The following IL12RB2 variants were observed in gnomAD, a reference collection of about 807,000 sequenced individuals.
IL12RB2 encodes interleukin 12 receptor subunit beta 2, also known as interleukin-12 receptor subunit beta-2.
A neutral mutation model predicts 89.4 loss-of-function variants in IL12RB2; 82 were observed. That is an observed-to-expected ratio of 0.92 (90% CI 0.77 to 1.10). The LOEUF is 1.10. Ranked by LOEUF, IL12RB2 falls within the 50% of genes least tolerant of loss-of-function variation. IL12RB2 has a pLI of 0.00. For missense variants in IL12RB2, 963 were observed against 1,031.9 expected (o/e 0.93, Z 0.92); for synonymous variants, 368 against 370.1 (o/e 0.99, Z 0.07).
chr1:67,368,493 T>G (rs576419671), intron 11 of IL12RB2, among the ~76,000 whole-genome samples: 4 of 152,366 alleles, frequency 2.6e-5, no homozygotes, highest in African/African-American at 9.6e-5. Context: ...CATTCACAAT[T>G]CTGTTACTTA....
intron 9 of IL12RB2, among the ~76,000 whole-genome samples, chr1:67,341,475 G>A (rs578205156): frequency 5.7e-5 from 1 of 17,424 alleles, no homozygotes; most frequent in South Asian, 1.6e-3. Flanking sequence ...AGGGAAGGAA[G>A]GAGAAAGAGA....
At chr1:67,366,751 A>G (rs1041694789) in intron 10 of IL12RB2, among the ~76,000 whole-genome samples, 1 of 152,204 alleles carries the variant, frequency 6.6e-6, no homozygotes. Context: ...GAGAACATGC[A>G]AGAGAATATT....
chr1:67,359,269 A>G (rs1040823021), intron 10 of IL12RB2, among the ~76,000 whole-genome samples: 9 of 152,274 alleles, frequency 5.9e-5, no homozygotes, highest in African/African-American at 2.2e-4. Flanking sequence ...TATGGAAAAT[A>G]TAAAATAAAG....
intron 14 of IL12RB2, among the ~76,000 whole-genome samples, chr1:67,383,490 A>G (rs955041772): frequency 1.3e-5 from 2 of 152,210 alleles, no homozygotes; most frequent in Non-Finnish European, 2.9e-5. Flanking sequence ...CCAAAAGTCC[A>G]AGTCCAAAGT....
chr1:67,376,959 G>A (rs1004443959), intron 13 of IL12RB2, among the ~76,000 whole-genome samples: 1 of 152,176 alleles, frequency 6.6e-6, no homozygotes, highest in African/African-American at 2.4e-5. Flanking sequence ...TATAGCTTAA[G>A]TCTATGCAAG....
At chr1:67,344,715 G>A (rs1660025535) in intron 9 of IL12RB2, among the ~76,000 whole-genome samples, 1 of 152,176 alleles carries the variant, frequency 6.6e-6, no homozygotes, top group Non-Finnish European at 1.5e-5. Flanking sequence ...AAAAACTGGT[G>A]AGTCTACTAA....
intron 16 of IL12RB2, among the ~76,000 whole-genome samples, chr1:67,392,955 A>G (rs1278938704): frequency 3.3e-5 from 5 of 152,044 alleles, no homozygotes; most frequent in African/African-American, 1.2e-4. Context: ...TGTGCATATA[A>G]TTTTTTTGCA....
intron 10 of IL12RB2, among the ~76,000 whole-genome samples, chr1:67,358,640 GT>G (rs1661658051): frequency 6.6e-6 from 1 of 151,662 alleles, no homozygotes; most frequent in Non-Finnish European, 1.5e-5. Context: ...AGGTAATAGA[GT>G]AAATTCAGAG....
At chr1:67,322,101 C>CTT (rs1558299614) in intron 4 of IL12RB2, among the ~76,000 whole-genome samples, 1 of 152,058 alleles carries the variant, frequency 6.6e-6, no homozygotes, top group African/African-American at 2.4e-5. Context: ...CTCTCTCTCT[C>CTT]GCCATTAAAA....
At chr1:67,378,429 A>G (rs920630595) in intron 13 of IL12RB2, among the ~76,000 whole-genome samples, 2 of 79,862 alleles carry the variant, frequency 2.5e-5, no homozygotes, top group African/African-American at 4.4e-5. Context: ...ATCTAGGTTT[A>G]CAGCTGCCAA....
At position 67,394,390 on chromosome 1, in the gene IL12RB2, G is replaced by A. The variant is rs75699623; in HGVS notation, c.2047-1157G>A. ...ATGTTAATAAAGTGCCAAGGACTTG[G>A]ACTCAGGAATTGGCAGCAAGTTCGG... On this transcript the variant is annotated intron_variant, in intron 16 of 16. Coordinates refer to ENST00000674203, the MANE Select transcript of IL12RB2 (RefSeq NM_001374259.2). Among the ~76,000 whole-genome samples, 1,143 of 152,232 alleles carry A rather than the reference G, an allele frequency of 7.5e-3. 46 individuals are homozygous for A. The highest frequency in any genetic ancestry group is 0.066 in the East Asian group (343 of 5,190).
At chr1:67,394,176 G>C (rs1035338805) in intron 16 of IL12RB2, among the ~76,000 whole-genome samples, 2 of 152,160 alleles carry the variant, frequency 1.3e-5, no homozygotes, top group African/African-American at 2.4e-5. Flanking sequence ...AGCAGCTTCT[G>C]AAGAGAAAGA....
intron 8 of IL12RB2, 118 bp from the exon 9 acceptor site, chr1:67,338,506 C>T: frequency 1.4e-6 from 1 of 694,948 alleles, no homozygotes; most frequent in South Asian, 1.6e-5. Context: ...CTGGGACACA[C>T]ACAAATAATT....
chr1:67,349,245 G>A (rs746810843), intron 9 of IL12RB2, among the ~76,000 whole-genome samples: 55 of 152,164 alleles, frequency 3.6e-4, no homozygotes, highest in Non-Finnish European at 6.8e-4. Context: ...AGCCTCTTGG[G>A]TCCCTGGCCA....
At chr1:67,350,826 A>T in intron 9 of IL12RB2, 44 bp from the exon 10 acceptor site, 1 of 1,609,586 alleles carries the variant, frequency 6.2e-7, no homozygotes, top group Non-Finnish European at 8.5e-7. Flanking sequence ...AGCATCAGTG[A>T]TCTTGTCTGG....
intron 11 of IL12RB2, among the ~76,000 whole-genome samples, chr1:67,371,884 G>A (rs1300423880): frequency 6.6e-6 from 1 of 152,196 alleles, no homozygotes; most frequent in African/African-American, 2.4e-5. Flanking sequence ...TTATGCCTGA[G>A]TGTGTCATCT....
intron 9 of IL12RB2, among the ~76,000 whole-genome samples, chr1:67,343,534 T>C (rs1188120269): frequency 6.6e-6 from 1 of 152,226 alleles, no homozygotes; most frequent in East Asian, 1.9e-4. Context: ...GCCCCAGGGT[T>C]GGATTAGGCC....
chr1:67,335,662 A>G (rs1658671420), intron 8 of IL12RB2, among the ~76,000 whole-genome samples: 1 of 151,960 alleles, frequency 6.6e-6, no homozygotes, highest in South Asian at 2.1e-4. Flanking sequence ...TGCCTATAAT[A>G]GTTTTATCTG....
At chr1:67,314,502 G>C (rs192017514) in intron 2 of IL12RB2, among the ~76,000 whole-genome samples, 5 of 152,238 alleles carry the variant, frequency 3.3e-5, no homozygotes, top group Admixed American at 3.3e-4. Context: ...TAAGGCATGA[G>C]GAAATGGTGC....
Sources: gnomAD v4.1 joint callset for allele counts (sites outside exome capture counted in the v4.1 genomes callset) on GRCh38, gnomAD v4.1.1 for gene constraint, MANE v1.5 for transcripts, NCBI Gene and HGNC (gene_info 2026-07-23, HGNC 2026-07-21) for gene names.